The following FBN2 variants were observed in gnomAD, a reference collection of about 807,000 sequenced individuals.
FBN2 encodes the protein fibrillin-2.
In FBN2, 105 loss-of-function variants were observed where a neutral mutation model predicts 355.6. That is an observed-to-expected ratio of 0.30 (90% confidence interval 0.25 to 0.35). The LOEUF is 0.35. FBN2 is among the 10% of genes least tolerant of loss of function. FBN2 has a pLI of 1.00. For synonymous variants in FBN2, 1,350 were observed against 1,301.2 expected (o/e 1.04, Z -0.81); for missense variants, 3,280 against 3,758.7 (o/e 0.87, Z 3.33).
chr5:128,518,643 G>T (rs1013081765), intron 5 of FBN2, among the ~76,000 whole-genome samples: 1 of 152,154 alleles, frequency 6.6e-6, no homozygotes, highest in African/African-American at 2.4e-5. Context: ...GCTATTGCTG[G>T]CCCACAGTTG....
Position 128,288,400 on chromosome 5 carries a change from G to A in FBN2, c.6757+38C>T, listed in dbSNP as rs202204551. ...TGAGACATTAAAAAACACTTTCTATGTCAAGAAGAAATAATATTTAAGACA... is the reference window on the plus strand; with the variant it reads ...TGAGACATTAAAAAACACTTTCTATATCAAGAAGAAATAATATTTAAGACA... On this transcript the variant is annotated intron_variant, in intron 53 of 64. Transcript: ENST00000262464. 7 of 1,608,158 alleles carry A rather than the reference G, an allele frequency of 4.4e-6. No homozygotes were observed. In the African/African-American group the frequency reaches 5.3e-5, roughly 12 times the overall value.
At chr5:128,353,383 C>T (rs1192528947) in intron 20 of FBN2, among the ~76,000 whole-genome samples, 1 of 152,110 alleles carries the variant, frequency 6.6e-6, no homozygotes, top group African/African-American at 2.4e-5. Flanking sequence ...TAAAAAGTTA[C>T]AGGGCAAAGG....
Position 128,318,941 on chromosome 5 carries a change from C to T in FBN2, c.4532G>A (p.Gly1511Glu). Residue 1511 changes from glycine to glutamate, a missense_variant, in exon 35 of 65, where the codon GGA becomes GAA. Gly to Glu is a moderately conservative substitution (Grantham distance 98). This residue lies in a region of FBN2 where 2,284 missense variants were observed against 2,749.5 expected (regional missense o/e 0.83). Coordinates refer to ENST00000262464, the MANE Select transcript of FBN2 (RefSeq NM_001999.4). ...CVFGTCNNLP[G>E]MFHCICDDGY... Reference sequence around the variant, plus strand: ...ATCATCGCAGATGCAATGAAACATTCCAGGCAGGTTATTACATGTTCCAAA... The same window carrying T: ...ATCATCGCAGATGCAATGAAACATTTCAGGCAGGTTATTACATGTTCCAAA... The T allele has an allele frequency of 6.2e-7, 1 of 1,612,260 alleles. No individual in the cohort carries two copies. The highest frequency in any genetic ancestry group is 8.5e-7 in the Non-Finnish European group (1 of 1,178,558).
intron 61 of FBN2, 94 bp from the exon 62 acceptor site, chr5:128,272,212 G>A: frequency 1.4e-6 from 2 of 1,406,364 alleles, no homozygotes; most frequent in Non-Finnish European, 2.0e-6. Flanking sequence ...TGTTATCATG[G>A]GAACAAACAA....
At chr5:128,510,049 A>G (rs1035049807) in intron 5 of FBN2, among the ~76,000 whole-genome samples, 1 of 152,122 alleles carries the variant, frequency 6.6e-6, no homozygotes, top group Admixed American at 6.5e-5. Context: ...TTCTCTCTAT[A>G]TATCTGTTTC....
chr5:128,487,209 G>A (rs937207664), intron 5 of FBN2, among the ~76,000 whole-genome samples: 1 of 152,186 alleles, frequency 6.6e-6, no homozygotes, highest in African/African-American at 2.4e-5. Context: ...TAGCCATGGA[G>A]GCATGTGTTG....
chr5:128,332,773 G>A (rs1460443154), intron 32 of FBN2, 139 bp downstream of exon 32: 8 of 864,248 alleles, frequency 9.3e-6, no homozygotes, highest in Middle Eastern at 2.4e-4. Context: ...GACACCCTTA[G>A]GCAGGAATTA....
chr5:128,292,794 G>A (rs1329905573), intron 48 of FBN2, among the ~76,000 whole-genome samples: 3 of 152,088 alleles, frequency 2.0e-5, no homozygotes, highest in African/African-American at 7.2e-5. Flanking sequence ...CAACATTTAA[G>A]AGTGACCTAG....
At chr5:128,319,342 T>C (rs1407722684) in intron 34 of FBN2, among the ~76,000 whole-genome samples, 1 of 152,002 alleles carries the variant, frequency 6.6e-6, no homozygotes, top group Non-Finnish European at 1.5e-5. Flanking sequence ...GAAAAAAAGA[T>C]AAAAGCAAAT....
Position 128,349,999 on chromosome 5 carries a change from G to C in FBN2, c.2819C>G (p.Ala940Gly). The stretch of plus-strand genomic sequence containing the variant: ...AATCCTGGCAAGCCCTCTTGGGCAA[G>C]CTGTATCTGTAACAACAACAGGACA... ...SPCERCELDTACPRGLARIKG... is the reference protein window; with the variant it reads ...SPCERCELDTGCPRGLARIKG... The change falls in exon 22 of 65, where the codon GCT (alanine) becomes GGT (glycine). Residue 940 changes from alanine to glycine, a missense_variant. By Grantham distance (60) the Ala-to-Gly change is moderately conservative. Transcript: ENST00000262464. The C allele has an allele frequency of 6.2e-7, 1 of 1,613,594 alleles. No individual in the cohort carries two copies. Among genetic ancestry groups the C allele is most frequent in the Non-Finnish European group, 8.5e-7 (1 of 1,179,480 alleles).
At chr5:128,306,025 A>T in intron 42 of FBN2, 77 bp from the exon 43 acceptor site, 1 of 1,365,710 alleles carries the variant, frequency 7.3e-7, no homozygotes, top group Non-Finnish European at 1.0e-6. Flanking sequence ...ATAATGCTAC[A>T]TGTACCCTGG....
At chr5:128,275,172 T>A (rs1279124702) in intron 59 of FBN2, among the ~76,000 whole-genome samples, 3 of 152,264 alleles carry the variant, frequency 2.0e-5, no homozygotes, top group Admixed American at 6.5e-5. Flanking sequence ...GTAATTCTAG[T>A]CACAAATGGT....
intron 62 of FBN2, among the ~76,000 whole-genome samples, chr5:128,268,333 G>A (rs568994240): frequency 1.4e-4 from 22 of 152,172 alleles, no homozygotes; most frequent in East Asian, 3.9e-4. Flanking sequence ...GGAAGAAGTC[G>A]AATCCCTGAA....
chr5:128,501,390 G>T (rs1755805039), intron 5 of FBN2, among the ~76,000 whole-genome samples: 1 of 152,076 alleles, frequency 6.6e-6, no homozygotes, highest in Non-Finnish European at 1.5e-5. Context: ...GCTAGGGAAG[G>T]AAAACAATCC....
chr5:128,427,713 A>G (rs549751853), intron 7 of FBN2, among the ~76,000 whole-genome samples: 1 of 152,334 alleles, frequency 6.6e-6, no homozygotes, highest in East Asian at 1.9e-4. Flanking sequence ...GTATTGACTT[A>G]GGACTTTGCC....
intron 20 of FBN2, among the ~76,000 whole-genome samples, chr5:128,352,394 G>T (rs992052230): frequency 1.3e-5 from 2 of 152,102 alleles, no homozygotes; most frequent in African/African-American, 4.8e-5. Context: ...CTTTTGAATG[G>T]TAGAGTACCC....
chr5:128,475,355 T>C (rs1181741217), intron 5 of FBN2, among the ~76,000 whole-genome samples: 3 of 152,044 alleles, frequency 2.0e-5, no homozygotes, highest in African/African-American at 7.2e-5. Flanking sequence ...AAGACTAAAG[T>C]CTCTCTTTAG....
At chr5:128,397,345 ACGT>A (rs1205762476) in intron 8 of FBN2, among the ~76,000 whole-genome samples, 1 of 152,218 alleles carries the variant, frequency 6.6e-6, no homozygotes, top group Non-Finnish European at 1.5e-5. Context: ...ATAATCACTA[ACGT>A]TATAAAACAC....
intron 18 of FBN2, among the ~76,000 whole-genome samples, chr5:128,362,458 A>G (rs1445963982): frequency 6.6e-6 from 1 of 152,158 alleles, no homozygotes; most frequent in East Asian, 1.9e-4. Context: ...AAAGCCCACA[A>G]TGAGTTTTTT....
Sources: gnomAD v4.1 joint callset for allele counts (sites outside exome capture counted in the v4.1 genomes callset) on GRCh38, gnomAD v4.1.1 for gene constraint, gnomAD v4.1.1 regional missense constraint, MANE v1.5 for transcripts, NCBI Gene and HGNC (gene_info 2026-07-23, HGNC 2026-07-21) for gene names.